Variants in SNX29 observed in about 807,000 individuals in gnomAD.
SNX29 encodes sorting nexin 29.
SNX29 carries 78 observed loss-of-function variants against 102.1 expected under a neutral mutation model. The ratio of observed to expected loss-of-function variants is 0.76; its 90% CI spans 0.64 to 0.92. The LOEUF is 0.92. Ranked by LOEUF, SNX29 falls within the 40% of genes least tolerant of loss-of-function variation. The pLI, the probability that SNX29 is intolerant of heterozygous loss-of-function variation, is 0.00. For missense variants in SNX29, 1,280 were observed against 1,061.7 expected, an observed-to-expected ratio of 1.21 and a Z score of -2.86; for synonymous variants, 580 against 414.5, an observed-to-expected ratio of 1.40 and a Z score of -4.85.
At chr16:12,118,412 C>T (rs1050999148) in intron 11 of SNX29, among the ~76,000 whole-genome samples, 1 of 148,534 alleles carries the variant, frequency 6.7e-6, no homozygotes, top group Non-Finnish European at 1.5e-5. Context: ...CCTCCGTCTC[C>T]TGGGTTCAAG....
At chr16:12,339,370 C>CAA (rs58148692) in intron 15 of SNX29, among the ~76,000 whole-genome samples, 24,837 of 56,082 alleles carry the variant, frequency 0.44, 6,594 homozygotes, top group Non-Finnish European at 0.56. Context: ...GATTCTGTCT[C>CAA]AAAAAAAAAA....
rs560011500 is a variant in SNX29, at chr16:12,370,788, A to T, written c.1899+14509A>T. Among the ~76,000 whole-genome samples, 6 of 152,356 alleles carry T rather than the reference A, an allele frequency of 3.9e-5. No individual in the cohort carries two copies. The South Asian group carries it at 8.3e-4, about 21-fold the overall frequency. On this transcript the variant is annotated intron_variant, in intron 16 of 20. Transcript: ENST00000566228. ...CCTGGCCAGCTGGTCTGTGGGAACCAGAGCAGTTTGTGCCTAGATTCATTG... is the reference window on the plus strand; with the variant it reads ...CCTGGCCAGCTGGTCTGTGGGAACCTGAGCAGTTTGTGCCTAGATTCATTG...
chr16:12,312,362 G>C (rs1276915020), intron 15 of SNX29, among the ~76,000 whole-genome samples: 1 of 152,204 alleles, frequency 6.6e-6, no homozygotes, highest in Non-Finnish European at 1.5e-5. Flanking sequence ...ACTTAGCAGA[G>C]GTTGAGTTGA....
At chr16:12,534,369 A>T (rs768530459) in intron 20 of SNX29, among the ~76,000 whole-genome samples, 1 of 152,114 alleles carries the variant, frequency 6.6e-6, no homozygotes, top group East Asian at 1.9e-4. Flanking sequence ...TGCACCTCTC[A>T]CACCTTCTCT....
At chr16:12,382,168 C>T (rs1013922841) in intron 16 of SNX29, among the ~76,000 whole-genome samples, 2 of 152,056 alleles carry the variant, frequency 1.3e-5, no homozygotes, top group African/African-American at 2.4e-5. Flanking sequence ...ATTTGCCGAG[C>T]GCCATGAGGA....
intron 20 of SNX29, among the ~76,000 whole-genome samples, chr16:12,526,000 C>A (rs931957705): frequency 1.3e-5 from 2 of 152,042 alleles, no homozygotes; most frequent in African/African-American, 2.4e-5. Flanking sequence ...ACCATCAAGC[C>A]CGACTTGGTT....
At chr16:12,403,202 ATGTGTGTGTGTG>A (rs67193889) in intron 17 of SNX29, among the ~76,000 whole-genome samples, 117 of 70,936 alleles carry the variant, frequency 1.6e-3, no homozygotes, top group Admixed American at 3.9e-3. Context: ...TTGTGTGTGT[ATGTGTGTGTGTG>A]TGTGTGTGTG....
chr16:12,479,004 A>G (rs1293777270), intron 19 of SNX29, among the ~76,000 whole-genome samples: 1 of 152,208 alleles, frequency 6.6e-6, no homozygotes, highest in Non-Finnish European at 1.5e-5. Flanking sequence ...GATGTGTAAG[A>G]CATCGGGCAT....
At chr16:12,540,199 G>A (rs563571130) in intron 20 of SNX29, among the ~76,000 whole-genome samples, 9 of 152,224 alleles carry the variant, frequency 5.9e-5, no homozygotes, top group Admixed American at 3.3e-4. Context: ...TCAGGTCCAA[G>A]GATTGGGTCA....
chr16:12,498,288 G>C (rs1016383349), intron 19 of SNX29, among the ~76,000 whole-genome samples: 4 of 152,214 alleles, frequency 2.6e-5, no homozygotes, highest in Non-Finnish European at 5.9e-5. Context: ...ACGTTAGCAG[G>C]TGAGGCAAAA....
At chr16:12,482,329 T>G (rs2087985302) in intron 19 of SNX29, among the ~76,000 whole-genome samples, 1 of 152,072 alleles carries the variant, frequency 6.6e-6, no homozygotes, top group South Asian at 2.1e-4. Context: ...TTTCACAGAG[T>G]CCTGCTGTGT....
intron 11 of SNX29, among the ~76,000 whole-genome samples, chr16:12,092,595 G>C (rs1287485510): frequency 1.3e-5 from 2 of 152,186 alleles, no homozygotes; most frequent in African/African-American, 4.8e-5. Context: ...TTTGATCCTG[G>C]CTCTGAGAGT....
intron 11 of SNX29, among the ~76,000 whole-genome samples, chr16:12,107,687 G>C (rs905920498): frequency 5.3e-5 from 8 of 152,150 alleles, no homozygotes; most frequent in African/African-American, 1.9e-4. Context: ...TATGTGGATA[G>C]AAGAGAATCG....
chr16:12,546,739 G>C (rs930948626), intron 20 of SNX29: 2 of 151,582 alleles, frequency 1.3e-5, no homozygotes, highest in Non-Finnish European at 2.9e-5. Context: ...AAGAAGATAG[G>C]AGAAAATTAG....
intron 14 of SNX29, among the ~76,000 whole-genome samples, chr16:12,223,952 C>T (rs994201288): frequency 6.6e-6 from 1 of 152,128 alleles, no homozygotes; most frequent in African/African-American, 2.4e-5. Flanking sequence ...CGGAGGGGTT[C>T]AGCAGCTCAT....
intron 13 of SNX29, among the ~76,000 whole-genome samples, chr16:12,148,024 C>T (rs1275953455): frequency 4.6e-5 from 7 of 152,206 alleles, no homozygotes; most frequent in South Asian, 2.1e-4. Context: ...TCGCTGAATT[C>T]GTACTGGTGC....
At chr16:12,231,722 C>T (rs1268788783) in intron 14 of SNX29, among the ~76,000 whole-genome samples, 2 of 152,078 alleles carry the variant, frequency 1.3e-5, no homozygotes, top group East Asian at 1.9e-4. Flanking sequence ...CCATATTGCT[C>T]CCCAGGATTG....
intron 8 of SNX29, 109 bp from the exon 9 acceptor site, chr16:12,061,419 C>T: frequency 1.2e-6 from 1 of 832,414 alleles, no homozygotes; most frequent in Admixed American, 2.2e-5. Flanking sequence ...TGTTCTCAGC[C>T]CTGCCTTGGC....
intron 16 of SNX29, among the ~76,000 whole-genome samples, chr16:12,395,500 C>G (rs115065322): frequency 1.6e-3 from 248 of 152,348 alleles, no homozygotes; most frequent in African/African-American, 5.7e-3. Flanking sequence ...CTCTGTTGCT[C>G]TAGTAACGGG....
Sources: allele counts gnomAD v4.1 joint callset (sites outside exome capture counted in the v4.1 genomes callset), GRCh38; gene constraint gnomAD v4.1.1; transcripts MANE v1.5; gene names NCBI Gene and HGNC (gene_info 2026-07-23, HGNC 2026-07-21).